Variants in JPH3 observed in about 807,000 individuals in gnomAD.
The protein encoded by JPH3 is junctophilin 3.
A neutral mutation model predicts 59.6 loss-of-function variants in JPH3; 11 were observed. The ratio of observed to expected loss-of-function variants is 0.18; its 90% CI spans 0.12 to 0.31. The LOEUF is 0.31. JPH3 is among the 10% of genes least tolerant of loss of function. The pLI is 1.00. For missense variants in JPH3, 1,202 were observed against 1,105.7 expected, an observed-to-expected ratio of 1.09 and a Z score of -1.24; for synonymous variants, 673 against 483.6, an observed-to-expected ratio of 1.39 and a Z score of -5.14.
Position 87,602,525 on chromosome 16 carries a change from C to G in JPH3, c.-622C>G, listed in dbSNP as rs1026545539. 7.2e-6 allele frequency among the ~76,000 whole-genome samples: 1 copy of G among 139,534 alleles called. No homozygotes were observed. Among genetic ancestry groups the G allele is most frequent in the Non-Finnish European group, 1.6e-5 (1 of 63,350 alleles). 91.5% of individuals were successfully genotyped at this position (139,534 alleles called of 152,430 possible). On this transcript the variant is annotated 5_prime_UTR_variant, in exon 1 of 5. Coordinates refer to ENST00000284262, the MANE Select transcript of JPH3 (RefSeq NM_020655.4). Reference sequence around the variant, plus strand: ...CGCGGCCCGAGCGCGCGAGCCGGGCCCGGAGCGCACGCCGCCGCCGCCACC... The same window carrying G: ...CGCGGCCCGAGCGCGCGAGCCGGGCGCGGAGCGCACGCCGCCGCCGCCACC...
At chr16:87,637,630 C>T (rs58407924) in intron 1 of JPH3, among the ~76,000 whole-genome samples, 3,827 of 152,134 alleles carry the variant, frequency 0.025, 141 homozygotes, top group African/African-American at 0.083. Context: ...GGCCCTTCTG[C>T]TCTCCTTTCC....
rs749070969 is a variant in JPH3 at position 87,644,926 on chromosome 16, C to T, written c.1051C>T (p.Leu351Phe). 3.7e-6 allele frequency: 6 copies of T among 1,612,710 alleles called. No homozygotes were observed. Among genetic ancestry groups the T allele is most frequent in the Non-Finnish European group, 5.1e-6 (6 of 1,179,924 alleles). Residue 351 changes from leucine (L) to phenylalanine (F), a missense_variant, in exon 2 of 5, where the codon CTC becomes TTC. By Grantham distance (22) the Leu-to-Phe change is conservative. Coordinates refer to ENST00000284262, the MANE Select transcript of JPH3 (RefSeq NM_020655.4). Reference sequence around the variant, plus strand: ...CCTCGTCGGCGGCAAGCGCAAGAACCTCATCCCCCTGCGGGCCAGCAAGAT... The same window carrying T: ...CCTCGTCGGCGGCAAGCGCAAGAACTTCATCCCCCTGCGGGCCAGCAAGAT... ...NILVGGKRKN[L>F]IPLRASKIRE... is the part of the protein sequence containing the mutation.
chr16:87,658,357 T>C (rs1244433117), intron 2 of JPH3, among the ~76,000 whole-genome samples: 1 of 151,542 alleles, frequency 6.6e-6, no homozygotes, highest in African/African-American at 2.4e-5. Flanking sequence ...TCTCTCCTTC[T>C]CCCCGCTTCT....
rs180777738 is a variant in JPH3 at position 87,666,083 on chromosome 16, C to G, written c.1161-18059C>G. Among the ~76,000 whole-genome samples the G allele has an allele frequency of 6.0e-3, 834 of 137,976 alleles. 8 individuals are homozygous for G. The highest frequency in any genetic ancestry group is 0.013 in the Admixed American group (178 of 13,348). 90.5% of individuals were successfully genotyped at this position (137,976 alleles called of 152,430 possible). On this transcript the variant is annotated intron_variant, in intron 2 of 4. Transcript: ENST00000284262. The stretch of plus-strand genomic sequence containing the variant: ...AATATCAGGTAAATAACAGGTACTT[C>G]TTTTTTTCTCTTTTTTTTTTTTTTG...
rs112347023 is a variant in JPH3 at position 87,645,189 on chromosome 16, G to C, written c.1160+154G>C. Among the ~76,000 whole-genome samples, 606 of 152,276 alleles carry C rather than the reference G, an allele frequency of 4.0e-3. 3 individuals are homozygous for C. Among genetic ancestry groups the C allele is most frequent in the African/African-American group, 0.014 (569 of 41,570 alleles). On this transcript the variant is annotated intron_variant, in intron 2 of 4. Coordinates refer to ENST00000284262, the MANE Select transcript of JPH3 (RefSeq NM_020655.4). The stretch of plus-strand genomic sequence containing the variant: ...CAAACTATGCCCCCATGGAACCCTA[G>C]GGTTCCCTGGAGGTTCTCAGAGGTG...
chr16:87,630,194 C>G (rs906404574), intron 1 of JPH3, among the ~76,000 whole-genome samples: 1 of 152,226 alleles, frequency 6.6e-6, no homozygotes, highest in African/African-American at 2.4e-5. Flanking sequence ...CCCTTCTCAC[C>G]TGAGTGGGGT....
In JPH3 at chr16:87,690,038, G is replaced by A. The variant is rs1160411797; in HGVS notation, c.1678G>A (p.Gly560Ser). The A allele has an allele frequency of 1.9e-6, 3 of 1,552,404 alleles. No individual in the cohort carries two copies. The highest frequency in any genetic ancestry group is 1.4e-5 in the African/African-American group (1 of 72,818). The change falls in exon 4 of 5, where the codon GGT (glycine) becomes AGT (serine). Residue 560 changes from glycine (G) to serine (S), a missense_variant. Coordinates refer to ENST00000284262, the MANE Select transcript of JPH3 (RefSeq NM_020655.4). Reference sequence around the variant, plus strand: ...GCTCGTGGATGACTTCCGCACCCGAGGTTCGGGCCGCAAGCAGCCCGGGAA... The same window carrying A: ...GCTCGTGGATGACTTCCGCACCCGAAGTTCGGGCCGCAAGCAGCCCGGGAA... ...GLLVDDFRTR[G>S]SGRKQPGNPK...
rs114759980 is a variant in JPH3, at chr16:87,645,135, C to A, written c.1160+100C>A. On this transcript the variant is annotated intron_variant, in intron 2 of 4. Transcript: ENST00000284262. ...CTGTCGCTCAAGGCCTTGGGCTAGG[C>A]CCAGTTTGAGGCCTACACTGGTGTT... is the stretch of plus-strand genomic sequence containing the variant. The A allele has an allele frequency of 8.5e-6, 11 of 1,288,132 alleles. No homozygotes were observed. In the African/African-American group the frequency reaches 1.0e-4, roughly 12 times the overall value. 79.8% of individuals were successfully genotyped at this position (1,288,132 alleles called of 1,614,324 possible).
At chr16:87,681,614 G>A (rs939686722) in intron 2 of JPH3, among the ~76,000 whole-genome samples, 35 of 148,490 alleles carry the variant, frequency 2.4e-4, no homozygotes, top group African/African-American at 7.8e-4. Flanking sequence ...GACAGTGCCG[G>A]GAGGTCAGGT....
chr16:87,673,802 T>C (rs778682199), intron 2 of JPH3, among the ~76,000 whole-genome samples: 24 of 152,004 alleles, frequency 1.6e-4, no homozygotes, highest in Non-Finnish European at 2.8e-4. Flanking sequence ...GGCGGGCACC[T>C]GTAATCCCAG....
intron 1 of JPH3, among the ~76,000 whole-genome samples, chr16:87,616,190 TTGTGTG>T (rs56053716): frequency 0.035 from 4,022 of 115,662 alleles, 97 homozygotes; most frequent in Non-Finnish European, 0.042. Context: ...CAATCTGGTT[TTGTGTG>T]TGTGTGTGTG....
At chr16:87,655,208 C>T (rs1050457223) in intron 2 of JPH3, among the ~76,000 whole-genome samples, 14 of 152,372 alleles carry the variant, frequency 9.2e-5, no homozygotes, top group East Asian at 7.7e-4. Flanking sequence ...CCGCCACCCC[C>T]GCCAGGGCCC....
intron 1 of JPH3, among the ~76,000 whole-genome samples, chr16:87,623,361 G>A (rs1365014567): frequency 6.6e-6 from 1 of 152,140 alleles, no homozygotes; most frequent in Non-Finnish European, 1.5e-5. Flanking sequence ...CAGCAGGGTG[G>A]GCGTGAGGCT....
chr16:87,638,270 G>A (rs1421490765), intron 1 of JPH3, among the ~76,000 whole-genome samples: 1 of 152,180 alleles, frequency 6.6e-6, no homozygotes, highest in Non-Finnish European at 1.5e-5. Context: ...ATGTTGCCCA[G>A]GCTGGCTTTG....
chr16:87,681,212 G>T (rs1157668702), intron 2 of JPH3, among the ~76,000 whole-genome samples: 2 of 149,170 alleles, frequency 1.3e-5, no homozygotes, highest in African/African-American at 5.0e-5. Flanking sequence ...GGTGATGACA[G>T]TTCCGGGAGG....
In JPH3 at chr16:87,684,121, G is replaced by A. The variant is rs200944029; in HGVS notation, c.1161-21G>A. 636 of 1,606,470 alleles carry A rather than the reference G, an allele frequency of 4.0e-4. 5 individuals carry two copies. Among genetic ancestry groups the A allele is most frequent in the Admixed American group, 3.3e-4 (20 of 59,882 alleles). On this transcript the variant is annotated intron_variant, in intron 2 of 4. Transcript: ENST00000284262. ...ACCTGTGCCCCCTGCCCCCCCTCAC[G>A]CTCCTCCCTGTCTCCCCCAGGACCT...
chr16:87,636,150 G>T (rs2031738556), intron 1 of JPH3, among the ~76,000 whole-genome samples: 1 of 152,202 alleles, frequency 6.6e-6, no homozygotes. Context: ...GGTTCGATGG[G>T]ACAGGCTTTG....
At chr16:87,669,935 C>A (rs893289746) in intron 2 of JPH3, among the ~76,000 whole-genome samples, 3 of 152,024 alleles carry the variant, frequency 2.0e-5, no homozygotes, top group African/African-American at 4.8e-5. Flanking sequence ...GCTCAGAGGC[C>A]GTGGGTGTGC....
chr16:87,639,377 C>T (rs928136868), intron 1 of JPH3, among the ~76,000 whole-genome samples: 2 of 152,176 alleles, frequency 1.3e-5, no homozygotes, highest in Non-Finnish European at 2.9e-5. Flanking sequence ...CTCCACCAGA[C>T]CCTGCATGAA....
Sources: allele counts gnomAD v4.1 joint callset (sites outside exome capture counted in the v4.1 genomes callset), GRCh38; gene constraint gnomAD v4.1.1; transcripts MANE v1.5; gene names NCBI Gene and HGNC (gene_info 2026-07-23, HGNC 2026-07-21).